SLC39A11: variants seen among roughly 807,000 people sequenced by gnomAD.
SLC39A11 encodes the protein solute carrier family 39 member 11.
SLC39A11 carries 33 observed loss-of-function variants against 36.1 expected under a neutral mutation model. That is an observed-to-expected ratio of 0.91 (90% confidence interval 0.69 to 1.22). The LOEUF (loss-of-function observed/expected upper bound fraction) is 1.22. Among genes scored for constraint, SLC39A11 ranks in the 50% most tolerant of loss-of-function variants. The pLI is 0.00. For missense variants in SLC39A11, 432 were observed against 430.3 expected (o/e 1.00, Z -0.03); for synonymous variants, 166 against 170.3 (o/e 0.97, Z 0.20).
intron 3 of SLC39A11, among the ~76,000 whole-genome samples, chr17:73,081,731 ATG>A (rs1309053756): frequency 7.9e-6 from 1 of 126,450 alleles, no homozygotes; most frequent in African/African-American, 2.8e-5. Context: ...GTATATATGT[ATG>A]TATATATATA....
At chr17:72,872,566 A>G (rs943413675) in intron 5 of SLC39A11, among the ~76,000 whole-genome samples, 4 of 152,218 alleles carry the variant, frequency 2.6e-5, no homozygotes, top group African/African-American at 7.2e-5. Context: ...GAAATCTTAC[A>G]TAGCTGATCC....
At chr17:72,750,703 G>A (rs2075123144) in intron 6 of SLC39A11, among the ~76,000 whole-genome samples, 1 of 152,008 alleles carries the variant, frequency 6.6e-6, no homozygotes, top group African/African-American at 2.4e-5. Context: ...TACATGGAGG[G>A]CAGGCATCAT....
At chr17:73,057,807 G>A (rs895166921) in intron 3 of SLC39A11, among the ~76,000 whole-genome samples, 3 of 152,132 alleles carry the variant, frequency 2.0e-5, no homozygotes, top group Non-Finnish European at 2.9e-5. Context: ...AACATTGGTA[G>A]GTGCCTGTAG....
Position 72,732,621 on chromosome 17 carries a change from G to A in SLC39A11, c.671+4029C>T, listed in dbSNP as rs147128103. Among the ~76,000 whole-genome samples the A allele has an allele frequency of 5.3e-5, 8 of 152,260 alleles. No individual in the cohort carries two copies. The South Asian group carries it at 6.2e-4, about 12-fold the overall frequency. ...GTTTTGTGAGTGCTATCTTTCCTGCGCAGCGGCATGTTTCCCTCTGTGGTT... is the reference window on the plus strand; with the variant it reads ...GTTTTGTGAGTGCTATCTTTCCTGCACAGCGGCATGTTTCCCTCTGTGGTT... On this transcript the variant is annotated intron_variant, in intron 7 of 9. Transcript: ENST00000255559.
At chr17:72,923,217 T>C (rs573816759) in intron 5 of SLC39A11, among the ~76,000 whole-genome samples, 1 of 152,240 alleles carries the variant, frequency 6.6e-6, no homozygotes, top group African/African-American at 2.4e-5. Context: ...TGTGGGGCTA[T>C]GGACCACCCT....
intron 5 of SLC39A11, among the ~76,000 whole-genome samples, chr17:72,930,642 G>T (rs1359030702): frequency 6.6e-6 from 1 of 152,180 alleles, no homozygotes; most frequent in Admixed American, 6.5e-5. Flanking sequence ...GCTGGATGAG[G>T]GGCTGAAGGA....
intron 6 of SLC39A11, among the ~76,000 whole-genome samples, chr17:72,821,108 T>C (rs1445359428): frequency 6.6e-6 from 1 of 151,000 alleles, no homozygotes; most frequent in Admixed American, 6.6e-5. Context: ...GTGAGGTTTT[T>C]GGAAACTGGG....
At position 72,831,079 on chromosome 17, in the gene SLC39A11, C is replaced by T. The variant is rs372222956; in HGVS notation, c.601+18555G>A. 3.9e-5 allele frequency among the ~76,000 whole-genome samples: 6 copies of T among 151,948 alleles called. No individual in the cohort carries two copies. In the East Asian group the frequency reaches 1.2e-3, roughly 29 times the overall value. On this transcript the variant is annotated intron_variant, in intron 6 of 9. Coordinates refer to ENST00000255559, the MANE Select transcript of SLC39A11 (RefSeq NM_139177.4). ...AGAATGAGGGAAAATGCCTGTATTG[C>T]TATGTTGACATTTAAGAAGACTGTT... is the stretch of plus-strand genomic sequence containing the variant.
intron 5 of SLC39A11, among the ~76,000 whole-genome samples, chr17:72,926,766 A>G (rs904872535): frequency 6.6e-6 from 1 of 151,862 alleles, no homozygotes; most frequent in Non-Finnish European, 1.5e-5. Context: ...GTTATCTTTG[A>G]CCCCAAAAAG....
chr17:73,070,554 G>T (rs2060131658), intron 3 of SLC39A11, among the ~76,000 whole-genome samples: 3 of 152,170 alleles, frequency 2.0e-5, no homozygotes, highest in Admixed American at 6.5e-5. Context: ...ATTAAACCAT[G>T]ATCCCGATTA....
At chr17:72,858,278 A>G (rs531495060) in intron 5 of SLC39A11, among the ~76,000 whole-genome samples, 1 of 152,264 alleles carries the variant, frequency 6.6e-6, no homozygotes, top group Non-Finnish European at 1.5e-5. Context: ...CGAAGATCAG[A>G]TGGTTGTAGA....
chr17:73,070,650 T>C (rs922139718), intron 3 of SLC39A11, among the ~76,000 whole-genome samples: 12 of 152,186 alleles, frequency 7.9e-5, no homozygotes, highest in Non-Finnish European at 1.5e-4. Flanking sequence ...TTATCTTCAA[T>C]TGTAGCTTCC....
intron 7 of SLC39A11, among the ~76,000 whole-genome samples, chr17:72,721,212 T>C (rs928040573): frequency 6.6e-6 from 1 of 150,728 alleles, no homozygotes; most frequent in African/African-American, 2.4e-5. Flanking sequence ...TTCTCCCGCC[T>C]CAGCCTCCTG....
At chr17:72,976,581 T>C (rs1255382550) in intron 4 of SLC39A11, among the ~76,000 whole-genome samples, 1 of 152,242 alleles carries the variant, frequency 6.6e-6, no homozygotes, top group Admixed American at 6.5e-5. Flanking sequence ...CCGGGCGCGG[T>C]GGCTCACGCC....
At chr17:72,791,749 A>C (rs1391000066) in intron 6 of SLC39A11, among the ~76,000 whole-genome samples, 2 of 152,186 alleles carry the variant, frequency 1.3e-5, no homozygotes, top group Non-Finnish European at 2.9e-5. Context: ...CATGATAGCA[A>C]GTGAGTTCTC....
chr17:72,687,282 G>T (rs2071800933), intron 7 of SLC39A11, among the ~76,000 whole-genome samples: 2 of 151,956 alleles, frequency 1.3e-5, no homozygotes, highest in South Asian at 2.1e-4. Context: ...TTTTTAGACA[G>T]TCTCGCTCTG....
At chr17:72,699,323 G>A (rs2072493239) in intron 7 of SLC39A11, among the ~76,000 whole-genome samples, 1 of 152,226 alleles carries the variant, frequency 6.6e-6, no homozygotes, top group South Asian at 2.1e-4. Context: ...CAGAGTTTAT[G>A]AATTTGTGTT....
intron 7 of SLC39A11, among the ~76,000 whole-genome samples, chr17:72,684,917 T>C (rs906197006): frequency 6.6e-6 from 1 of 152,196 alleles, no homozygotes; most frequent in East Asian, 1.9e-4. Context: ...GGGGTTCTGA[T>C]GACACGTTAA....
chr17:73,068,840 G>C (rs531308280), intron 3 of SLC39A11, among the ~76,000 whole-genome samples: 1 of 152,046 alleles, frequency 6.6e-6, no homozygotes, highest in Non-Finnish European at 1.5e-5. Flanking sequence ...CTGTGCACAC[G>C]CATGGCCAGT....
Sources: allele counts gnomAD v4.1 joint callset (sites outside exome capture counted in the v4.1 genomes callset), GRCh38; gene constraint gnomAD v4.1.1; transcripts MANE v1.5; gene names NCBI Gene and HGNC (gene_info 2026-07-23, HGNC 2026-07-21).